KIF26B: variants seen among roughly 807,000 people sequenced by gnomAD.
KIF26B encodes kinesin-like protein KIF26B.
KIF26B carries 63 observed loss-of-function variants against 151.2 expected under a neutral mutation model. The observed-to-expected ratio is 0.42, with a 90% CI of 0.34 to 0.51. The LOEUF is 0.51. Ranked by LOEUF, KIF26B falls within the 20% of genes least tolerant of loss-of-function variation. KIF26B has a pLI of 0.07. For missense variants in KIF26B, 2,813 were observed against 2,913.6 expected (o/e 0.97, Z 0.79); for synonymous variants, 1,357 against 1,262.1 (o/e 1.08, Z -1.59).
intron 10 of KIF26B, among the ~76,000 whole-genome samples, chr1:245,647,610 T>G (rs2043966538): frequency 6.6e-6 from 1 of 152,082 alleles, no homozygotes; most frequent in Admixed American, 6.6e-5. Context: ...TATATGTGGA[T>G]TCATGGTTTT....
At chr1:245,212,240 C>T (rs1452637378) in intron 2 of KIF26B, among the ~76,000 whole-genome samples, 1 of 152,268 alleles carries the variant, frequency 6.6e-6, no homozygotes, top group Non-Finnish European at 1.5e-5. Context: ...GTCTTTATTG[C>T]TCATCCCCAT....
intron 5 of KIF26B, among the ~76,000 whole-genome samples, chr1:245,589,525 C>A (rs2043263942): frequency 6.6e-6 from 1 of 152,230 alleles, no homozygotes; most frequent in African/African-American, 2.4e-5. Context: ...GAGCTGCACA[C>A]ATTTAATGGA....
In KIF26B at chr1:245,358,813, G is replaced by A. The variant is rs891622401; in HGVS notation, c.466-8021G>A. 5.3e-5 allele frequency among the ~76,000 whole-genome samples: 8 copies of A among 152,118 alleles called. No individual in the cohort carries two copies. In the South Asian group the frequency reaches 6.2e-4, roughly 12 times the overall value. On this transcript the variant is annotated intron_variant, in intron 2 of 14. Coordinates refer to ENST00000407071, the MANE Select transcript of KIF26B (RefSeq NM_018012.4). This position sits in a 1 kb window ranked among gnomAD's most constrained non-coding sequence, Gnocchi z 4.1. ...ATAATCTTGATTAGTGCTTACATGC[G>A]TATAGTTCAGCACTTTATTTTGTGT... is the stretch of plus-strand genomic sequence containing the variant.
chr1:245,429,395 TG>T (rs1320510549), intron 4 of KIF26B, among the ~76,000 whole-genome samples: 6 of 152,186 alleles, frequency 3.9e-5, no homozygotes, highest in Admixed American at 3.9e-4. Flanking sequence ...TATAAAGATC[TG>T]GTATCATGTC....
In KIF26B at chr1:245,266,495, TTTTC is replaced by T. The variant is rs556112839; in HGVS notation, c.466-100319_466-100316del. The stretch of plus-strand genomic sequence containing the variant: ...TTTGAATCCATCTTTTACCATTTTC[TTTTC>T]TTTCTTTCTTTCTTTCTTTTTTTTT... On this transcript the variant is annotated intron_variant, in intron 2 of 14. Coordinates refer to ENST00000407071, the MANE Select transcript of KIF26B (RefSeq NM_018012.4). Among the ~76,000 whole-genome samples, 121 of 152,042 alleles carry T rather than the reference TTTTC, an allele frequency of 8.0e-4. 1 individual carries two copies. The East Asian group carries it at 0.012, about 15-fold the overall frequency.
intron 12 of KIF26B, among the ~76,000 whole-genome samples, chr1:245,689,887 C>G (rs1169833482): frequency 6.6e-6 from 1 of 152,148 alleles, no homozygotes; most frequent in Non-Finnish European, 1.5e-5. Context: ...AATCTCCTAT[C>G]AAAAGGCACG....
Position 245,229,267 on chromosome 1 carries a change from C to G in KIF26B, c.465+72584C>G, listed in dbSNP as rs531155020. Among the ~76,000 whole-genome samples, 172 of 152,300 alleles carry G rather than the reference C, an allele frequency of 1.1e-3. 1 individual carries two copies. Among genetic ancestry groups the G allele is most frequent in the Middle Eastern group, 0.01 (3 of 294 alleles). On this transcript the variant is annotated intron_variant, in intron 2 of 14. Transcript: ENST00000407071. ...GATTACAAGCGTGAGCCACCGCCCC[C>G]TGCCGGATTTATCTTACCCATGTGT...
At chr1:245,664,166 C>G (rs777473773) in intron 10 of KIF26B, among the ~76,000 whole-genome samples, 4 of 151,682 alleles carry the variant, frequency 2.6e-5, no homozygotes, top group African/African-American at 4.8e-5. Flanking sequence ...GTCGGGAGTT[C>G]AAGACCAGCC....
chr1:245,520,368 A>G (rs1345385681), intron 4 of KIF26B, among the ~76,000 whole-genome samples: 1 of 152,232 alleles, frequency 6.6e-6, no homozygotes, highest in Non-Finnish European at 1.5e-5. Context: ...CAGACTAATG[A>G]TAATGTGGAA....
At chr1:245,407,374 G>A (rs917318181) in intron 3 of KIF26B, among the ~76,000 whole-genome samples, 3 of 152,160 alleles carry the variant, frequency 2.0e-5, no homozygotes, top group Admixed American at 2.0e-4. Context: ...AACTGACTGA[G>A]ATGAACAATT....
chr1:245,474,472 T>C (rs866032618), intron 4 of KIF26B, among the ~76,000 whole-genome samples: 10 of 144,542 alleles, frequency 6.9e-5, no homozygotes, highest in South Asian at 2.3e-4. Flanking sequence ...AGTGCAATGG[T>C]GCGATCTTGG....
intron 2 of KIF26B, among the ~76,000 whole-genome samples, chr1:245,355,217 G>A (rs989346300): frequency 1.2e-4 from 19 of 152,148 alleles, no homozygotes; most frequent in African/African-American, 4.3e-4. Flanking sequence ...GAGCCACTGC[G>A]CCCGGCCAGT....
intron 4 of KIF26B, among the ~76,000 whole-genome samples, chr1:245,486,720 A>C (rs895750050): frequency 2.0e-5 from 3 of 151,958 alleles, no homozygotes; most frequent in Non-Finnish European, 4.4e-5. Flanking sequence ...CCCAGGCTGG[A>C]GTGTAGTAGC....
intron 14 of KIF26B, among the ~76,000 whole-genome samples, chr1:245,700,591 A>T (rs2044757002): frequency 6.6e-6 from 1 of 152,152 alleles, no homozygotes; most frequent in Non-Finnish European, 1.5e-5. Context: ...TCAGCTACTC[A>T]GGAGGCTGAG....
At chr1:245,474,706 C>T (rs1006421059) in intron 4 of KIF26B, among the ~76,000 whole-genome samples, 10 of 151,810 alleles carry the variant, frequency 6.6e-5, no homozygotes, top group Admixed American at 2.0e-4. Flanking sequence ...AGCCACCGCA[C>T]GCAGCCTCAA....
At chr1:245,284,144 T>A (rs1322298731) in intron 2 of KIF26B, among the ~76,000 whole-genome samples, 1 of 152,244 alleles carries the variant, frequency 6.6e-6, no homozygotes, top group Non-Finnish European at 1.5e-5. Flanking sequence ...TATTAAATAT[T>A]TAAATAATGT....
chr1:245,223,520 C>T (rs1277726132), intron 2 of KIF26B, among the ~76,000 whole-genome samples: 1 of 152,186 alleles, frequency 6.6e-6, no homozygotes, highest in Non-Finnish European at 1.5e-5. Context: ...TTTCAGCCTC[C>T]TTTCCCCAGG....
At chr1:245,623,890 T>C (rs1302282947) in intron 9 of KIF26B, among the ~76,000 whole-genome samples, 7 of 152,186 alleles carry the variant, frequency 4.6e-5, no homozygotes, top group African/African-American at 1.7e-4. Context: ...AGTCTTTGTA[T>C]GGTTATATGG....
intron 2 of KIF26B, among the ~76,000 whole-genome samples, chr1:245,201,756 C>T (rs1048786587): frequency 1.3e-5 from 2 of 151,958 alleles, no homozygotes; most frequent in African/African-American, 2.4e-5. Flanking sequence ...TTTTAGGAGG[C>T]GTGGGGGCGG....
Sources: allele counts gnomAD v4.1 joint callset (sites outside exome capture counted in the v4.1 genomes callset), GRCh38; gene constraint gnomAD v4.1.1; non-coding constraint Gnocchi (gnomAD v3.1); transcripts MANE v1.5; gene names NCBI Gene and HGNC (gene_info 2026-07-23, HGNC 2026-07-21).